MCPH1: variants seen among roughly 807,000 people sequenced by gnomAD.
MCPH1 encodes microcephalin 1, also known as microcephalin.
A neutral mutation model predicts 84.5 loss-of-function variants in MCPH1; 104 were observed. The observed-to-expected ratio is 1.23, with a 90% CI of 1.05 to 1.45. The LOEUF is 1.45. Ranked by LOEUF, MCPH1 falls within the 40% of genes most tolerant of loss-of-function variation. The pLI, the probability that MCPH1 is intolerant of heterozygous loss-of-function variation, is 0.00. For synonymous variants in MCPH1, 514 were observed against 366.8 expected (o/e 1.40, Z -4.58); for missense variants, 1,498 against 1,005.7 (o/e 1.49, Z -6.62).
intron 2 of MCPH1, among the ~76,000 whole-genome samples, chr8:6,413,833 TAACCGCCACCTCCCG>T (rs1321565764): frequency 6.6e-6 from 1 of 151,896 alleles, no homozygotes; most frequent in Non-Finnish European, 1.5e-5. Context: ...TGGCTCACTG[TAACCGCCACCTCCCG>T]GGTTGAAGTG....
At chr8:6,624,275 T>G (rs565782631) in intron 13 of MCPH1, among the ~76,000 whole-genome samples, 3 of 152,364 alleles carry the variant, frequency 2.0e-5, no homozygotes, top group South Asian at 2.1e-4. Flanking sequence ...TTGTGTCCTG[T>G]TTCTGATTTC....
intron 12 of MCPH1, among the ~76,000 whole-genome samples, chr8:6,576,206 A>T (rs1298362480): frequency 2.0e-5 from 3 of 152,166 alleles, no homozygotes; most frequent in Non-Finnish European, 2.9e-5. Context: ...TAGCTATGCA[A>T]AGCTTCATTC....
In MCPH1 at chr8:6,621,551, C is replaced by A. The variant is rs1039322742; in HGVS notation, c.2312C>A (p.Pro771Gln). ...TTTGTCTCGCCTGCCAGCAGCCCCC[C>A]AGTGGCCAAGCTCTGTGAACTAGTC... ...AMFVSPASSPPVAKLCELVHL... is the reference protein window; with the variant it reads ...AMFVSPASSPQVAKLCELVHL... The change falls in exon 13 of 14, where the codon CCA becomes CAA. Residue 771 changes from proline (P) to glutamine (Q), a missense_variant. Coordinates refer to ENST00000344683, the MANE Select transcript of MCPH1 (RefSeq NM_024596.5). The A allele has an allele frequency of 1.2e-6, 2 of 1,614,090 alleles. No homozygotes were observed. The highest frequency in any genetic ancestry group is 8.5e-7 in the Non-Finnish European group (1 of 1,180,046).
intron 12 of MCPH1, among the ~76,000 whole-genome samples, chr8:6,561,742 G>T (rs1314204799): frequency 6.6e-6 from 1 of 152,066 alleles, no homozygotes; most frequent in Non-Finnish European, 1.5e-5. Flanking sequence ...TTCCAGGTTC[G>T]TTTTGGATTT....
intron 12 of MCPH1, among the ~76,000 whole-genome samples, chr8:6,578,490 G>C (rs1374436450): frequency 1.3e-5 from 2 of 151,754 alleles, no homozygotes; most frequent in African/African-American, 2.4e-5. Flanking sequence ...AGTACATTTA[G>C]TGATTAAAAG....
chr8:6,457,325 G>A (rs1292353674), intron 9 of MCPH1, among the ~76,000 whole-genome samples: 3 of 151,690 alleles, frequency 2.0e-5, no homozygotes, highest in Non-Finnish European at 4.4e-5. Context: ...AGTCATGGTG[G>A]CTCATGCCTA....
intron 12 of MCPH1, among the ~76,000 whole-genome samples, chr8:6,572,139 G>C (rs910125186): frequency 6.6e-6 from 1 of 151,834 alleles, no homozygotes; most frequent in African/African-American, 2.4e-5. Flanking sequence ...ACTGAAGAGA[G>C]GATGCAGTAT....
intron 12 of MCPH1, among the ~76,000 whole-genome samples, chr8:6,555,733 G>A (rs1052048246): frequency 1.3e-5 from 2 of 152,138 alleles, no homozygotes; most frequent in African/African-American, 2.4e-5. Context: ...AAAGTGCTGC[G>A]ATTACAGGCA....
intron 12 of MCPH1, among the ~76,000 whole-genome samples, chr8:6,599,833 C>A (rs1317018543): frequency 6.6e-6 from 1 of 152,230 alleles, no homozygotes; most frequent in African/African-American, 2.4e-5. Context: ...AGCGGGAATT[C>A]TCTCCTTGCT....
intron 3 of MCPH1, 78 bp downstream of exon 3, chr8:6,414,961 A>C: frequency 7.1e-7 from 1 of 1,406,662 alleles, no homozygotes; most frequent in South Asian, 1.2e-5. Context: ...CACAGATCGC[A>C]GAACCAGATA....
At chr8:6,613,529 G>A (rs1395725104) in intron 12 of MCPH1, among the ~76,000 whole-genome samples, 1 of 152,102 alleles carries the variant, frequency 6.6e-6, no homozygotes, top group African/African-American at 2.4e-5. Flanking sequence ...CGCTGGGCAG[G>A]GGCCTGGGGC....
intron 12 of MCPH1, among the ~76,000 whole-genome samples, chr8:6,548,928 T>TCA (rs1823084735): frequency 6.6e-6 from 1 of 152,254 alleles, no homozygotes; most frequent in South Asian, 2.1e-4. Context: ...ACCTCCTTGT[T>TCA]AACCTCTGGT....
Position 6,643,232 on chromosome 8 carries a change from G to C in MCPH1, c.*183G>C. The C allele has an allele frequency of 1.5e-6, 1 of 653,272 alleles. No individual in the cohort carries two copies. The highest frequency in any genetic ancestry group is 2.7e-6 in the Non-Finnish European group (1 of 364,738). The allele number at this position is 653,272 out of a possible 1,614,324, so 40.5% of individuals were successfully genotyped here. On this transcript the variant is annotated 3_prime_UTR_variant, in exon 14 of 14. Transcript: ENST00000344683. The stretch of plus-strand genomic sequence containing the variant: ...GTGACTTTCTGATGACTGAATGTCT[G>C]TTTCAGAGACGCTTCGGGCCTTTTT...
rs1327414875 is a variant in MCPH1, at chr8:6,406,679, C to G, written c.12C>G (p.Pro4=). The G allele has an allele frequency of 1.2e-6, 2 of 1,612,118 alleles. No individual in the cohort carries two copies. Among genetic ancestry groups the G allele is most frequent in the African/African-American group, 2.7e-5 (2 of 74,930 alleles). MAA[P]ILKDVVAYVE... is the part of the protein sequence containing the mutation. Reference sequence around the variant, plus strand: ...TCCCGCCGTCTGTCATGGCGGCCCCCATCCTGAAAGGTGAGGTACTTCCTG... The same window carrying G: ...TCCCGCCGTCTGTCATGGCGGCCCCGATCCTGAAAGGTGAGGTACTTCCTG... The change falls in exon 1 of 14, where the codon CCC becomes CCG. Residue 4 remains proline, a synonymous_variant. Coordinates refer to ENST00000344683, the MANE Select transcript of MCPH1 (RefSeq NM_024596.5).
At chr8:6,563,039 G>T in intron 12 of MCPH1, 1 of 1,278,802 alleles carries the variant, frequency 7.8e-7, no homozygotes, top group Non-Finnish European at 1.1e-6. Context: ...ACGCTGCCAT[G>T]GCTGGGTCCG....
At chr8:6,469,941 C>G (rs1264578625) in intron 9 of MCPH1, among the ~76,000 whole-genome samples, 2 of 152,160 alleles carry the variant, frequency 1.3e-5, no homozygotes, top group African/African-American at 4.8e-5. Context: ...TCGTTGGATT[C>G]TTTCATGTGA....
chr8:6,470,817 A>T (rs185430696), intron 9 of MCPH1, among the ~76,000 whole-genome samples: 1 of 152,320 alleles, frequency 6.6e-6, no homozygotes, highest in East Asian at 1.9e-4. Context: ...AAATGTAAAG[A>T]GGGTTGTTAA....
intron 3 of MCPH1, among the ~76,000 whole-genome samples, chr8:6,430,406 C>T (rs1256010427): frequency 6.6e-6 from 1 of 152,156 alleles, no homozygotes; most frequent in African/African-American, 2.4e-5. Context: ...GAAAATCACA[C>T]GTTAGTGTTG....
At chr8:6,548,208 G>GC (rs1378875121) in intron 12 of MCPH1, among the ~76,000 whole-genome samples, 1 of 152,080 alleles carries the variant, frequency 6.6e-6, no homozygotes, top group Non-Finnish European at 1.5e-5. Flanking sequence ...ACTTTAGAAG[G>GC]CCAAAGTTAG....
Sources: allele counts gnomAD v4.1 joint callset (sites outside exome capture counted in the v4.1 genomes callset), GRCh38; gene constraint gnomAD v4.1.1; transcripts MANE v1.5; gene names NCBI Gene and HGNC (gene_info 2026-07-23, HGNC 2026-07-21).